The following RP1 variants were observed in gnomAD, a reference collection of about 807,000 sequenced individuals.
RP1 encodes RP1 axonemal microtubule associated.
In RP1, 16 loss-of-function variants were observed where a neutral mutation model predicts 14.8. That is an observed-to-expected ratio of 1.08 (90% CI 0.73 to 1.65). The LOEUF is 1.65. RP1 is among the 40% of genes most tolerant of loss of function. The probability of loss-of-function intolerance (pLI) is 0.00; values close to 1 mark genes in which losing one functional copy is unlikely to be tolerated. For synonymous variants in RP1, 876 were observed against 883.6 expected, an observed-to-expected ratio of 0.99 and a Z score of 0.15; for missense variants, 2,631 against 2,535.0, an observed-to-expected ratio of 1.04 and a Z score of -0.81.
intron 1 of RP1, among the ~76,000 whole-genome samples, chr8:54,581,334 C>T (rs1178533093): frequency 6.6e-6 from 1 of 152,298 alleles, no homozygotes; most frequent in Non-Finnish European, 1.5e-5. Context: ...AGGACATGAA[C>T]TCATCATTTT....
At chr8:54,808,624 A>G (rs1021880404) in intron 24 of RP1, among the ~76,000 whole-genome samples, 1 of 152,176 alleles carries the variant, frequency 6.6e-6, no homozygotes, top group Non-Finnish European at 1.5e-5. Context: ...CCTTCCTTTC[A>G]TTTTTCACTT....
upstream of RP1, among the ~76,000 whole-genome samples, chr8:54,612,848 G>A: frequency 6.6e-6 from 1 of 152,078 alleles, no homozygotes; most frequent in Non-Finnish European, 1.5e-5. Context: ...TCAAATATCT[G>A]AACACCATTT....
At chr8:54,636,004 G>A (rs1372857116) in intron 3 of RP1, among the ~76,000 whole-genome samples, 2 of 152,160 alleles carry the variant, frequency 1.3e-5, no homozygotes, top group East Asian at 3.9e-4. Context: ...CTGACCCCTT[G>A]CTGATTGAGC....
chr8:54,597,858 G>A (rs1036189962), intron 1 of RP1, among the ~76,000 whole-genome samples: 1 of 152,074 alleles, frequency 6.6e-6, no homozygotes, highest in African/African-American at 2.4e-5. Flanking sequence ...GACTGCAAAT[G>A]GAGACAAAGT....
intron 7 of RP1, among the ~76,000 whole-genome samples, chr8:54,669,867 G>T (rs1807109885): frequency 6.6e-6 from 1 of 151,740 alleles, no homozygotes; most frequent in African/African-American, 2.4e-5. Flanking sequence ...TCACACACAG[G>T]GGCCTGTGGT....
intron 24 of RP1, among the ~76,000 whole-genome samples, chr8:54,810,550 G>A (rs979214855): frequency 6.6e-6 from 1 of 152,038 alleles, no homozygotes; most frequent in Non-Finnish European, 1.5e-5. Context: ...CCTTCTATTG[G>A]GAAACAGCTG....
At chr8:54,775,697 C>T (rs558839520) in intron 23 of RP1, among the ~76,000 whole-genome samples, 10 of 152,306 alleles carry the variant, frequency 6.6e-5, no homozygotes, top group African/African-American at 2.4e-4. Context: ...AAATGATTGT[C>T]ATTGTTTTGC....
At chr8:54,614,413 C>T (rs1169396791), upstream of RP1, among the ~76,000 whole-genome samples, 2 of 152,036 alleles carry the variant, frequency 1.3e-5, no homozygotes, top group Non-Finnish European at 2.9e-5. Flanking sequence ...GGGCCAGGGC[C>T]AGAAGCATCA....
intron 4 of RP1, chr8:54,652,651 A>G: frequency 3.1e-6 from 2 of 653,342 alleles, no homozygotes; most frequent in Non-Finnish European, 5.4e-6. Context: ...TTAGGTGTGC[A>G]CATGTTTATA....
chr8:54,604,945 C>T (rs943269214), intron 1 of RP1, among the ~76,000 whole-genome samples: 4 of 151,980 alleles, frequency 2.6e-5, no homozygotes, highest in African/African-American at 9.7e-5. Context: ...CTTTATTAGT[C>T]TTGCTAGTGG....
intron 1 of RP1, among the ~76,000 whole-genome samples, chr8:54,619,273 A>G (rs914091374): frequency 7.9e-5 from 12 of 152,226 alleles, no homozygotes; most frequent in Non-Finnish European, 1.8e-4. Context: ...AAGATTTGCA[A>G]ATCAGATTGG....
chr8:54,769,871 C>G (rs1585676888), exon 23 of RP1: 1 of 1,079,932 alleles, frequency 9.3e-7, no homozygotes, highest in Non-Finnish European at 1.3e-6. Flanking sequence ...TCATGGAACA[C>G]TATTCCCCAG....
chr8:54,788,691 T>C (rs1055669361), intron 24 of RP1, among the ~76,000 whole-genome samples: 2 of 152,224 alleles, frequency 1.3e-5, no homozygotes, highest in Non-Finnish European at 2.9e-5. Flanking sequence ...TTTTCAATTA[T>C]AGATACTTAT....
At chr8:54,632,157 A>T (rs189887776), downstream of RP1, among the ~76,000 whole-genome samples, 357 of 151,720 alleles carry the variant, frequency 2.4e-3, 3 homozygotes, top group African/African-American at 7.3e-3. Context: ...TAAGATATTT[A>T]AAAAAAAATT....
At chr8:54,684,109 T>C (rs1176753865) in intron 12 of RP1, among the ~76,000 whole-genome samples, 4 of 152,164 alleles carry the variant, frequency 2.6e-5, no homozygotes, top group Non-Finnish European at 5.9e-5. Flanking sequence ...TGTGATGAAT[T>C]ACATTTATTG....
intron 26 of RP1, among the ~76,000 whole-genome samples, chr8:54,854,300 A>G (rs1417068082): frequency 6.6e-6 from 1 of 152,230 alleles, no homozygotes; most frequent in Non-Finnish European, 1.5e-5. Context: ...GTACAAAGAA[A>G]GTCAAATATA....
At chr8:54,764,599 TC>T (rs1489260990) in intron 22 of RP1, among the ~76,000 whole-genome samples, 1 of 152,224 alleles carries the variant, frequency 6.6e-6, no homozygotes, top group Non-Finnish European at 1.5e-5. Flanking sequence ...AGTACACTTT[TC>T]CCCAAGGTTG....
intron 24 of RP1, among the ~76,000 whole-genome samples, chr8:54,802,030 T>A (rs1468686896): frequency 6.6e-6 from 1 of 152,210 alleles, no homozygotes; most frequent in Non-Finnish European, 1.5e-5. Context: ...TAGATTTTTA[T>A]AGAATTGTAG....
Position 54,683,708 on chromosome 8 carries a change from T to G in RP1, c.1717+3775T>G, listed in dbSNP as rs1479384063. Among the ~76,000 whole-genome samples, 3 of 152,176 alleles carry G rather than the reference T, an allele frequency of 2.0e-5. No homozygotes were observed. The East Asian group carries it at 5.8e-4, about 29-fold the overall frequency. Reference sequence around the variant, plus strand: ...TTAAGAAGCTTTTGGGTTGAGACAATGGGATTTTCTAGATATAGGATTATG... The same window carrying G: ...TTAAGAAGCTTTTGGGTTGAGACAAGGGGATTTTCTAGATATAGGATTATG... On this transcript the variant is annotated intron_variant, in intron 12 of 22. Coordinates refer to the RP1 transcript ENST00000636932.
Sources: allele counts gnomAD v4.1 joint callset (sites outside exome capture counted in the v4.1 genomes callset), GRCh38; gene constraint gnomAD v4.1.1; transcripts MANE v1.5; gene names NCBI Gene and HGNC (gene_info 2026-07-23, HGNC 2026-07-21).